CCDC158: variants seen among roughly 807,000 people sequenced by gnomAD.
The protein encoded by CCDC158 is coiled-coil domain-containing protein 158.
In CCDC158, 116 loss-of-function variants were observed where a neutral mutation model predicts 138.6. The observed-to-expected ratio is 0.84, with a 90% CI of 0.72 to 0.98. CCDC158 has a LOEUF of 0.98. CCDC158 is among the 50% of genes least tolerant of loss of function. The pLI is 0.00. For synonymous variants in CCDC158, 436 were observed against 442.4 expected (o/e 0.99, Z 0.18); for missense variants, 1,265 against 1,306.1 (o/e 0.97, Z 0.48).
At chr4:76,333,240 G>T (rs985430193) in intron 19 of CCDC158, among the ~76,000 whole-genome samples, 1 of 152,164 alleles carries the variant, frequency 6.6e-6, no homozygotes, top group South Asian at 2.1e-4. Context: ...AGAAACTGGA[G>T]ATTATTTATA....
Position 76,334,215 on chromosome 4 carries a change from G to A in CCDC158, c.2665-48C>T, listed in dbSNP as rs762077587. 4.9e-6 allele frequency: 7 copies of A among 1,436,150 alleles called. No individual in the cohort carries two copies. In the African/African-American group the frequency reaches 1.0e-4, roughly 20 times the overall value. 89.0% of individuals were successfully genotyped at this position (1,436,150 alleles called of 1,614,324 possible). ...GACACTTATTTTTTCAGATTTCTAT[G>A]CTATTTCCTATCACAAAATTAATGC... On this transcript the variant is annotated intron_variant, in intron 18 of 24. Coordinates refer to ENST00000682701, the MANE Select transcript of CCDC158 (RefSeq NM_001394954.1).
Position 76,332,488 on chromosome 4 carries a change from C to T in CCDC158, c.2826G>A (p.Glu942=). Residue 942 remains glutamate (E), a synonymous_variant, in exon 20 of 25, where the codon GAG becomes GAA. Coordinates refer to ENST00000682701, the MANE Select transcript of CCDC158 (RefSeq NM_001394954.1). ...CAGTAATGCAATCTCTTACCCTATC[C>T]TCTCTGTATAGAAAATATAACTCTC... is the stretch of plus-strand genomic sequence containing the variant. ...TSLGALYVAV[E]DRVRDCITES... is the part of the protein sequence containing the mutation. 1 of 1,603,020 alleles carries T rather than the reference C, an allele frequency of 6.2e-7. No homozygotes were observed. Among genetic ancestry groups the T allele is most frequent in the Non-Finnish European group, 8.5e-7 (1 of 1,173,466 alleles).
chr4:76,417,349 G>A (rs1729779104), intron 1 of CCDC158, among the ~76,000 whole-genome samples: 1 of 152,090 alleles, frequency 6.6e-6, no homozygotes, highest in Non-Finnish European at 1.5e-5. Flanking sequence ...GCTCGTCTCA[G>A]ATGAGACTTT....
chr4:76,351,714 C>T lies in CCDC158; in HGVS notation c.2538+6G>A, dbSNP rs890931536. On this transcript the variant is annotated splice_donor_region_variant and intron_variant, in intron 17 of 24. Transcript: ENST00000682701. The stretch of plus-strand genomic sequence containing the variant: ...TCGCTTAAACTAATATTTATGATGA[C>T]CTTACTTTTATATCCAAAGTGTGTT... 12 of 1,576,900 alleles carry T rather than the reference C, an allele frequency of 7.6e-6. No homozygotes were observed. Among genetic ancestry groups the T allele is most frequent in the Non-Finnish European group, 1.0e-5 (12 of 1,147,062 alleles).
At chr4:76,336,569 T>C (rs1254717057) in intron 18 of CCDC158, among the ~76,000 whole-genome samples, 1 of 152,158 alleles carries the variant, frequency 6.6e-6, no homozygotes, top group Non-Finnish European at 1.5e-5. Context: ...AGGAAGGCAG[T>C]TTAATTTTTG....
intron 15 of CCDC158, 119 bp from the exon 16 acceptor site, chr4:76,353,400 C>A (rs993885337): frequency 5.6e-6 from 4 of 710,716 alleles, no homozygotes; most frequent in African/African-American, 5.4e-5. Flanking sequence ...AATTTATATG[C>A]CATTTAATTG....
At chr4:76,353,051 T>C in intron 16 of CCDC158, 72 bp downstream of exon 16, 1 of 1,294,010 alleles carries the variant, frequency 7.7e-7, no homozygotes, top group Non-Finnish European at 1.1e-6. Flanking sequence ...ATAGAGCTTT[T>C]GTTCAGAACA....
At chr4:76,323,150 C>T (rs1442518655) in intron 24 of CCDC158, 152 bp downstream of exon 24, 1 of 521,682 alleles carries the variant, frequency 1.9e-6, no homozygotes, top group African/African-American at 2.0e-5. Context: ...AATCCAGGGG[C>T]TATTAATGGT....
intron 4 of CCDC158, among the ~76,000 whole-genome samples, chr4:76,389,432 A>G (rs1242019296): frequency 6.6e-6 from 1 of 152,138 alleles, no homozygotes; most frequent in Non-Finnish European, 1.5e-5. Flanking sequence ...AAAAGAAAAA[A>G]GAAAAGAAAA....
chr4:76,331,987 C>T (rs1411517166), intron 20 of CCDC158, among the ~76,000 whole-genome samples: 1 of 152,040 alleles, frequency 6.6e-6, no homozygotes, highest in Non-Finnish European at 1.5e-5. Flanking sequence ...TTTCTTTGTG[C>T]TTTTAAAATT....
At chr4:76,322,634 A>G (rs1378275278) in intron 24 of CCDC158, among the ~76,000 whole-genome samples, 1 of 152,236 alleles carries the variant, frequency 6.6e-6, no homozygotes, top group Admixed American at 6.5e-5. Context: ...AAAAGATGGC[A>G]TAAAAAATGT....
intron 21 of CCDC158, among the ~76,000 whole-genome samples, chr4:76,329,565 C>G (rs1399478872): frequency 6.6e-6 from 1 of 152,142 alleles, no homozygotes; most frequent in Non-Finnish European, 1.5e-5. Flanking sequence ...GCCTGGGCGA[C>G]AGGGAGAGAC....
At chr4:76,412,456 T>A (rs1008642228) in intron 1 of CCDC158, among the ~76,000 whole-genome samples, 6 of 152,028 alleles carry the variant, frequency 3.9e-5, no homozygotes, top group Admixed American at 6.6e-5. Flanking sequence ...CTACAAAAAA[T>A]TTTTTTAAAA....
Position 76,367,617 on chromosome 4 carries a change from T to A in CCDC158, c.1507A>T (p.Thr503Ser), listed in dbSNP as rs1724810303. 6 of 1,614,200 alleles carry A rather than the reference T, an allele frequency of 3.7e-6. No individual in the cohort carries two copies. Among genetic ancestry groups the A allele is most frequent in the Non-Finnish European group, 5.1e-6 (6 of 1,180,046 alleles). ...SSERTISDLT[T>S]SLQEKERAIE... ...GCTCTCTCTTTTTCCTGGAGAGAAG[T>A]TGTCAGGTCCGATATTGTCCTCTCT... The change falls in exon 12 of 25, where the codon ACT (threonine) becomes TCT (serine). Residue 503 changes from threonine to serine, a missense_variant. Coordinates refer to ENST00000682701, the MANE Select transcript of CCDC158 (RefSeq NM_001394954.1).
intron 9 of CCDC158, among the ~76,000 whole-genome samples, chr4:76,372,172 C>CAA (rs1230849135): frequency 6.6e-6 from 1 of 152,188 alleles, no homozygotes; most frequent in African/African-American, 2.4e-5. Flanking sequence ...AGGGTTGGCA[C>CAA]AATGGCCCAT....
chr4:76,381,287 G>T (rs1479324655), intron 8 of CCDC158, among the ~76,000 whole-genome samples: 1 of 152,248 alleles, frequency 6.6e-6, no homozygotes, highest in Non-Finnish European at 1.5e-5. Context: ...AGTGTAGCCT[G>T]TGAAAGCAGC....
At chr4:76,369,914 A>G (rs908984561) in intron 10 of CCDC158, among the ~76,000 whole-genome samples, 3 of 152,186 alleles carry the variant, frequency 2.0e-5, no homozygotes, top group Non-Finnish European at 4.4e-5. Context: ...TAAGTCTTGC[A>G]TTTTCTAAGA....
chr4:76,335,858 C>A (rs1196448835), intron 18 of CCDC158, among the ~76,000 whole-genome samples: 1 of 151,390 alleles, frequency 6.6e-6, no homozygotes, highest in African/African-American at 2.4e-5. Flanking sequence ...CAGGTGTGAG[C>A]CACTGTGCTG....
intron 21 of CCDC158, among the ~76,000 whole-genome samples, chr4:76,329,563 G>A (rs1051390148): frequency 6.6e-6 from 1 of 152,132 alleles, no homozygotes; most frequent in African/African-American, 2.4e-5. Flanking sequence ...CAGCCTGGGC[G>A]ACAGGGAGAG....
Sources: gnomAD v4.1 joint callset for allele counts (sites outside exome capture counted in the v4.1 genomes callset) on GRCh38, gnomAD v4.1.1 for gene constraint, MANE v1.5 for transcripts, NCBI Gene and HGNC (gene_info 2026-07-23, HGNC 2026-07-21) for gene names.